Variants in DAB1 observed in about 807,000 individuals in gnomAD.
DAB1 encodes DAB adaptor protein 1.
DAB1 carries 15 observed loss-of-function variants against 64.6 expected under a neutral mutation model. The observed-to-expected ratio is 0.23, with a 90% confidence interval of 0.16 to 0.36. DAB1 has a LOEUF of 0.36. DAB1 is among the 10% of genes least tolerant of loss of function. The pLI, the probability that DAB1 is intolerant of heterozygous loss-of-function variation, is 1.00. For missense variants in DAB1, 596 were observed against 706.7 expected (o/e 0.84, Z 1.78); for synonymous variants, 235 against 251.9 (o/e 0.93, Z 0.64).
intron 2 of DAB1, among the ~76,000 whole-genome samples, chr1:58,511,717 A>T (rs1020642953): frequency 6.6e-6 from 1 of 152,144 alleles, no homozygotes; most frequent in African/African-American, 2.4e-5. Context: ...GAATATTCAC[A>T]TGCAAAAGAA....
chr1:57,867,768 C>T (rs937640010), intron 1 of DAB1, among the ~76,000 whole-genome samples: 1 of 152,136 alleles, frequency 6.6e-6, no homozygotes, highest in Non-Finnish European at 1.5e-5. Flanking sequence ...GATAGTCAAA[C>T]AAGCACACCA....
chr1:58,400,764 A>T (rs1018581318), intron 3 of DAB1, among the ~76,000 whole-genome samples: 1 of 152,234 alleles, frequency 6.6e-6, no homozygotes, highest in Non-Finnish European at 1.5e-5. Flanking sequence ...TATTATAATT[A>T]TAACTGTAGA....
intron 3 of DAB1, among the ~76,000 whole-genome samples, chr1:58,490,741 C>A (rs1645666875): frequency 1.3e-5 from 2 of 149,118 alleles, no homozygotes; most frequent in South Asian, 4.3e-4. Flanking sequence ...AACAGCGGAT[C>A]TCTCAGCAGA....
At chr1:57,387,838 A>AAAAG (rs59597761) in intron 1 of DAB1, among the ~76,000 whole-genome samples, 1,703 of 146,614 alleles carry the variant, frequency 0.012, 20 homozygotes, top group African/African-American at 0.019. Context: ...AAAAAAAAAA[A>AAAAG]AGAGAGAGAA....
chr1:57,846,455 CAAAAAAAAA>C (rs71051260), intron 1 of DAB1, among the ~76,000 whole-genome samples: 1 of 113,702 alleles, frequency 8.8e-6, no homozygotes, highest in Non-Finnish European at 1.8e-5. Flanking sequence ...AAGACTCCAT[CAAAAAAAAA>C]AAAAAAAAAA....
At chr1:57,563,988 TC>T (rs1645085616) in intron 7 of DAB1, among the ~76,000 whole-genome samples, 1 of 152,148 alleles carries the variant, frequency 6.6e-6, no homozygotes, top group South Asian at 2.1e-4. Context: ...AGAGACTGCC[TC>T]CTCAAGTGGG....
intron 12 of DAB1, among the ~76,000 whole-genome samples, chr1:57,013,409 T>TA (rs1306428707): frequency 6.6e-6 from 1 of 152,234 alleles, no homozygotes; most frequent in Admixed American, 6.5e-5. Flanking sequence ...CTTGCTTATT[T>TA]ATGCATGGCT....
At chr1:57,110,974 T>C (rs1224850712) in intron 4 of DAB1, among the ~76,000 whole-genome samples, 1 of 151,740 alleles carries the variant, frequency 6.6e-6, no homozygotes, top group Admixed American at 6.6e-5. Flanking sequence ...ATATAATATA[T>C]ATTATTGAAT....
chr1:57,616,639 T>A (rs1437031147), intron 7 of DAB1, among the ~76,000 whole-genome samples: 1 of 152,156 alleles, frequency 6.6e-6, no homozygotes, highest in East Asian at 1.9e-4. Flanking sequence ...GATCACCTGC[T>A]CTGGGAATAT....
chr1:58,480,321 T>C (rs537434120), intron 3 of DAB1, among the ~76,000 whole-genome samples: 21 of 152,204 alleles, frequency 1.4e-4, no homozygotes, highest in African/African-American at 4.8e-4. Context: ...TAAACTTCTG[T>C]TAAGATTTCA....
intron 4 of DAB1, among the ~76,000 whole-genome samples, chr1:57,085,392 C>T (rs769505701): frequency 9.2e-5 from 14 of 152,324 alleles, no homozygotes; most frequent in Middle Eastern, 3.4e-3. Context: ...AGAAGCTAGG[C>T]TGTCTGCATC....
chr1:58,486,880 TA>T, intron 3 of DAB1, among the ~76,000 whole-genome samples: 1 of 152,152 alleles, frequency 6.6e-6, no homozygotes, highest in Non-Finnish European at 1.5e-5. Flanking sequence ...GTATGTTTCC[TA>T]AACCAAGGAA....
chr1:58,354,243 A>T (rs1322045915), intron 3 of DAB1, among the ~76,000 whole-genome samples: 1 of 152,094 alleles, frequency 6.6e-6, no homozygotes, highest in Non-Finnish European at 1.5e-5. Flanking sequence ...TCCCAGATCT[A>T]CGAGAAAGGA....
intron 7 of DAB1, among the ~76,000 whole-genome samples, chr1:57,461,345 C>T (rs952883634): frequency 9.2e-5 from 14 of 152,158 alleles, no homozygotes; most frequent in African/African-American, 3.4e-4. Flanking sequence ...CCTTCAGAAA[C>T]ATGGGTTGTT....
intron 5 of DAB1, among the ~76,000 whole-genome samples, chr1:57,990,569 C>A (rs1221393296): frequency 2.0e-5 from 3 of 152,308 alleles, no homozygotes; most frequent in East Asian, 1.9e-4. Flanking sequence ...GAGGGAGGGG[C>A]CTGACACAGG....
chr1:58,174,200 G>C (rs1046655677), intron 4 of DAB1, among the ~76,000 whole-genome samples: 1 of 152,146 alleles, frequency 6.6e-6, no homozygotes. Flanking sequence ...GGCATTTACA[G>C]GAAAAGGCTT....
intron 2 of DAB1, among the ~76,000 whole-genome samples, chr1:57,275,912 C>T (rs1216770992): frequency 6.6e-6 from 1 of 152,094 alleles, no homozygotes; most frequent in East Asian, 1.9e-4. Flanking sequence ...TCTGTAACAC[C>T]ACAGCTTAAG....
chr1:58,033,556 T>G (rs552113763), intron 5 of DAB1, among the ~76,000 whole-genome samples: 5 of 152,220 alleles, frequency 3.3e-5, no homozygotes, highest in Non-Finnish European at 7.3e-5. Context: ...AGGGCCACTT[T>G]GTGTTTCCCT....
At chr1:57,778,228 A>G (rs1649906551) in intron 6 of DAB1, among the ~76,000 whole-genome samples, 1 of 151,924 alleles carries the variant, frequency 6.6e-6, no homozygotes, top group Admixed American at 6.6e-5. Flanking sequence ...TATGCATCTT[A>G]AGGGTAATCA....
Sources: allele counts gnomAD v4.1 joint callset (sites outside exome capture counted in the v4.1 genomes callset), GRCh38; gene constraint gnomAD v4.1.1; transcripts MANE v1.5; gene names NCBI Gene and HGNC (gene_info 2026-07-23, HGNC 2026-07-21).